The following SNAP23 variants were observed in gnomAD, a reference collection of about 807,000 sequenced individuals.
The protein encoded by SNAP23 is synaptosomal-associated protein 23.
A neutral mutation model predicts 29.0 loss-of-function variants in SNAP23; 11 were observed. The ratio of observed to expected loss-of-function variants is 0.38; its 90% confidence interval spans 0.24 to 0.63. SNAP23 has a LOEUF of 0.63. Ranked by LOEUF, SNAP23 falls within the 20% of genes least tolerant of loss-of-function variation. The pLI, the probability that SNAP23 is intolerant of heterozygous loss-of-function variation, is 0.58. For missense variants in SNAP23, 220 were observed against 253.9 expected, an observed-to-expected ratio of 0.87 and a Z score of 0.91; for synonymous variants, 60 against 82.9, an observed-to-expected ratio of 0.72 and a Z score of 1.50.
intron 1 of SNAP23, among the ~76,000 whole-genome samples, chr15:42,499,259 A>T (rs1281417573): frequency 1.3e-5 from 2 of 152,050 alleles, no homozygotes; most frequent in Non-Finnish European, 2.9e-5. Context: ...GTAGAGACGG[A>T]CGGGGTTTCT....
rs367608664 is a variant in SNAP23 at position 42,529,659 on chromosome 15, T to A, written c.426-16T>A. 2 of 1,607,504 alleles carry A rather than the reference T, an allele frequency of 1.2e-6. No individual in the cohort carries two copies. Among genetic ancestry groups the A allele is most frequent in the African/African-American group, 2.7e-5 (2 of 74,458 alleles). On this transcript the variant is annotated splice_polypyrimidine_tract_variant and intron_variant, in intron 6 of 7. Transcript: ENST00000249647. ...ATTCAACAAAACCTATGGAATTAAC[T>A]GTCTTCTTGTGATAGCATAACTAAT...
In SNAP23 at chr15:42,515,841, G is replaced by T. The variant is rs566676954; in HGVS notation, c.266+487G>T. 5.9e-5 allele frequency among the ~76,000 whole-genome samples: 9 copies of T among 152,290 alleles called. No individual in the cohort carries two copies. In the East Asian group the frequency reaches 9.6e-4, roughly 16 times the overall value. On this transcript the variant is annotated intron_variant, in intron 5 of 7. Transcript: ENST00000249647. ...GTTAGATTATATGATAGTGACCAAG[G>T]CTAGGTATACAGAACTGATAAAGGT...
chr15:42,513,044 G>A (rs141023809), intron 3 of SNAP23, 48 bp downstream of exon 3: 14 of 1,298,548 alleles, frequency 1.1e-5, no homozygotes, highest in South Asian at 3.6e-5. Context: ...TTATAGGAGC[G>A]ATCCTAATAC....
At chr15:42,500,140 GC>G (rs1567041632) in intron 1 of SNAP23, among the ~76,000 whole-genome samples, 1 of 32,344 alleles carries the variant, frequency 3.1e-5, no homozygotes. Flanking sequence ...GATATCAGCT[GC>G]CTTTTTTTTT....
At chr15:42,519,445 C>G (rs2057425529) in intron 5 of SNAP23, among the ~76,000 whole-genome samples, 1 of 151,506 alleles carries the variant, frequency 6.6e-6, no homozygotes, top group Admixed American at 6.6e-5. Flanking sequence ...AATCTCGGCT[C>G]ACTGCAACCT....
At position 42,512,974 on chromosome 15, in the gene SNAP23, G is replaced by C. The variant is rs1341637406; in HGVS notation, c.77G>C (p.Arg26Thr). ...ITDESLESTR[R>T]ILGLAIESQD... ...TCCTAGTCTCTGGAAAGTACGAGGA[G>C]AATCCTGGGTTTAGCCATTGAGGTA... Residue 26 changes from arginine (R) to threonine (T), a missense_variant, in exon 3 of 8, where the codon AGA (arginine) becomes ACA (threonine). Arg to Thr is a moderately conservative substitution (Grantham distance 71). Coordinates refer to ENST00000249647, the MANE Select transcript of SNAP23 (RefSeq NM_003825.4). 1.2e-6 allele frequency: 2 copies of C among 1,612,156 alleles called. No homozygotes were observed. Among genetic ancestry groups the C allele is most frequent in the South Asian group, 1.1e-5 (1 of 91,016 alleles).
chr15:42,509,880 C>A (rs1327041595), intron 1 of SNAP23, among the ~76,000 whole-genome samples: 1 of 152,016 alleles, frequency 6.6e-6, no homozygotes, highest in African/African-American at 2.4e-5. Context: ...ATCAGCCTGG[C>A]CAACATGGTG....
chr15:42,519,076 A>T (rs2057422219), intron 5 of SNAP23, among the ~76,000 whole-genome samples: 1 of 138,898 alleles, frequency 7.2e-6, no homozygotes. Flanking sequence ...TTTTTTTGAG[A>T]CGGAGTCTCA....
Position 42,511,831 on chromosome 15 carries a change from A to G in SNAP23, c.-14-2A>G. 1.3e-6 allele frequency: 2 copies of G among 1,564,032 alleles called. No homozygotes were observed. The highest frequency in any genetic ancestry group is 1.7e-6 in the Non-Finnish European group (2 of 1,148,054). ...CCACATTTCCATTTCTGTGCCTAATAGAGTTTTGATTCATCATGGATAATC... is the reference window on the plus strand; with the variant it reads ...CCACATTTCCATTTCTGTGCCTAATGGAGTTTTGATTCATCATGGATAATC... On this transcript the variant is annotated splice_acceptor_variant, in intron 1 of 7. Coordinates refer to ENST00000249647, the MANE Select transcript of SNAP23 (RefSeq NM_003825.4). LOFTEE classifies it low-confidence loss of function (5UTR_SPLICE).
At chr15:42,511,699 A>C in intron 1 of SNAP23, 134 bp from the exon 2 acceptor site, 1 of 445,578 alleles carries the variant, frequency 2.2e-6, no homozygotes, top group Non-Finnish European at 3.9e-6. Context: ...ACTAATAGAT[A>C]TAGAAAGAGG....
At chr15:42,511,743 A>G in intron 1 of SNAP23, 90 bp from the exon 2 acceptor site, 1 of 629,660 alleles carries the variant, frequency 1.6e-6, no homozygotes, top group South Asian at 3.1e-5. Context: ...AAGTTCCTAA[A>G]TTCCATAAAT....
chr15:42,520,589 G>T (rs572506789), intron 5 of SNAP23, among the ~76,000 whole-genome samples: 1 of 152,056 alleles, frequency 6.6e-6, no homozygotes, highest in South Asian at 2.1e-4. Context: ...CCGCCTCCCG[G>T]GTTCACGCCA....
intron 5 of SNAP23, among the ~76,000 whole-genome samples, chr15:42,524,138 T>C (rs2057473979): frequency 6.6e-6 from 1 of 152,148 alleles, no homozygotes; most frequent in Non-Finnish European, 1.5e-5. Context: ...GTTTTAATCC[T>C]GACATGTCCC....
At chr15:42,515,190 A>G in intron 4 of SNAP23, 47 bp from the exon 5 acceptor site, 1 of 1,168,672 alleles carries the variant, frequency 8.6e-7, no homozygotes, top group Non-Finnish European at 1.2e-6. Flanking sequence ...TTTCTGGTTG[A>G]CACTGTGAAT....
chr15:42,517,724 T>C (rs1567046193), intron 5 of SNAP23, among the ~76,000 whole-genome samples: 1 of 152,124 alleles, frequency 6.6e-6, no homozygotes, highest in Non-Finnish European at 1.5e-5. Context: ...GGCATTACTT[T>C]TTTAGAGATG....
rs761782201 is a variant in SNAP23, at chr15:42,513,392, G to A, written c.100-7G>A. 1.9e-6 allele frequency: 3 copies of A among 1,613,226 alleles called. No individual in the cohort carries two copies. In the South Asian group the frequency reaches 3.3e-5, roughly 18 times the overall value. On this transcript the variant is annotated splice_region_variant and splice_polypyrimidine_tract_variant and intron_variant, in intron 3 of 7. Transcript: ENST00000249647. Reference sequence around the variant, plus strand: ...TTGTACTATCAGCTTTTCCCCCCTTGTCTTAGTCTCAGGATGCAGGAATCA... The same window carrying A: ...TTGTACTATCAGCTTTTCCCCCCTTATCTTAGTCTCAGGATGCAGGAATCA...
intron 1 of SNAP23, among the ~76,000 whole-genome samples, chr15:42,510,613 A>G (rs2057352008): frequency 1.3e-5 from 2 of 152,106 alleles, no homozygotes; most frequent in African/African-American, 2.4e-5. Context: ...TTGTTCATTC[A>G]GCTATTTTTG....
intron 5 of SNAP23, among the ~76,000 whole-genome samples, chr15:42,520,862 A>T (rs779995596): frequency 4.6e-5 from 7 of 152,382 alleles, no homozygotes; most frequent in Non-Finnish European, 8.8e-5. Flanking sequence ...ACAATGGCAC[A>T]TAGTTTGAAG....
chr15:42,520,774 G>C (rs922624025), intron 5 of SNAP23, among the ~76,000 whole-genome samples: 2 of 152,114 alleles, frequency 1.3e-5, no homozygotes, highest in Non-Finnish European at 2.9e-5. Context: ...GATTACAGGC[G>C]TGAGCCACCA....
Sources: allele counts gnomAD v4.1 joint callset (sites outside exome capture counted in the v4.1 genomes callset), GRCh38; gene constraint gnomAD v4.1.1; transcripts MANE v1.5; gene names NCBI Gene and HGNC (gene_info 2026-07-23, HGNC 2026-07-21).